The following TM2D3 variants were observed in gnomAD, a reference collection of about 807,000 sequenced individuals.
TM2D3 encodes the protein TM2 domain-containing protein 3.
A neutral mutation model predicts 27.3 loss-of-function variants in TM2D3; 33 were observed. The observed-to-expected ratio is 1.21, with a 90% confidence interval of 0.92 to 1.61. The LOEUF (loss-of-function observed/expected upper bound fraction) is 1.61, where lower values mean the gene tolerates loss of function less well. Ranked by LOEUF, TM2D3 falls within the 40% of genes most tolerant of loss-of-function variation. The pLI is 0.00. For synonymous variants in TM2D3, 138 were observed against 122.2 expected (o/e 1.13, Z -0.85); for missense variants, 364 against 320.8 (o/e 1.13, Z -1.03).
intron 4 of TM2D3, 157 bp from the exon 5 acceptor site, chr15:101,645,319 C>G: frequency 4.8e-6 from 3 of 625,254 alleles, no homozygotes; most frequent in Non-Finnish European, 8.3e-6. Context: ...TACCATCTAT[C>G]TACATAGATG....
downstream of TM2D3, among the ~76,000 whole-genome samples, chr15:101,638,110 A>G (rs1474466695): frequency 1.3e-5 from 2 of 151,824 alleles, no homozygotes; most frequent in African/African-American, 2.4e-5. Context: ...CAGGCTTTGG[A>G]TCCTTTATCT....
At chr15:101,633,463 T>C (rs1896490882) in exon 5 of TM2D3, 4 of 450,076 alleles carry the variant, frequency 8.9e-6, no homozygotes, top group Non-Finnish European at 1.2e-5. Context: ...AAGAATTCAA[T>C]TCCTTGCAGT....
chr15:101,637,059 A>C, downstream of TM2D3: 1 of 209,248 alleles, frequency 4.8e-6, no homozygotes. Context: ...TTAGGGAGAC[A>C]TAAGACACCA....
chr15:101,646,573 G>A (rs760040443), intron 4 of TM2D3, 152 bp downstream of exon 4: 209 of 745,470 alleles, frequency 2.8e-4, no homozygotes, highest in Non-Finnish European at 4.2e-4. Flanking sequence ...ACTTTAGTAC[G>A]TTGAGTTTAT....
chr15:101,651,776 A>C lies in TM2D3; in HGVS notation c.92-3T>G. On this transcript the variant is annotated splice_region_variant and splice_polypyrimidine_tract_variant and intron_variant, in intron 1 of 5. Transcript: ENST00000333202. ...CTGAGCCAGCGCCTGCGATTGCTCTAAATTTAAGGATCGTACAATTAGAGA... is the reference window on the plus strand; with the variant it reads ...CTGAGCCAGCGCCTGCGATTGCTCTCAATTTAAGGATCGTACAATTAGAGA... 1 of 1,613,958 alleles carries C rather than the reference A, an allele frequency of 6.2e-7. No homozygotes were observed. The highest frequency in any genetic ancestry group is 8.5e-7 in the Non-Finnish European group (1 of 1,179,852).
intron 1 of TM2D3, 36 bp downstream of exon 1, chr15:101,652,235 A>G (rs761866444): frequency 6.3e-7 from 1 of 1,576,700 alleles, no homozygotes; most frequent in Non-Finnish European, 8.7e-7. Flanking sequence ...GCTGCCACTC[A>G]GCCCCACCCG....
intron 4 of TM2D3, chr15:101,636,613 G>C: frequency 5.7e-6 from 1 of 176,188 alleles, no homozygotes; most frequent in Non-Finnish European, 1.2e-5. Context: ...TTTTGCTAGG[G>C]TTTGACCTAA....
Position 101,643,544 on chromosome 15 carries a change from G to A in TM2D3, c.579-900C>T, listed in dbSNP as rs538291707. Among the ~76,000 whole-genome samples the A allele has an allele frequency of 3.1e-5, 4 of 130,838 alleles. No individual in the cohort carries two copies. In the South Asian group the frequency reaches 1.1e-3, roughly 35 times the overall value. 85.8% of individuals were successfully genotyped at this position (130,838 alleles called of 152,430 possible). A position where few individuals can be genotyped will look rare whatever the true frequency, so the allele number is the denominator to read the frequency against. ...GTGAACCTGGGAGGTGGAGCTTGCA[G>A]TAAGCCGAGATTGAGCCACTGCACT... On this transcript the variant is annotated intron_variant, in intron 5 of 5. Transcript: ENST00000333202.
At chr15:101,649,373 G>A (rs1896908136) in intron 3 of TM2D3, among the ~76,000 whole-genome samples, 2 of 151,672 alleles carry the variant, frequency 1.3e-5, no homozygotes, top group South Asian at 4.2e-4. Context: ...TTATTTTATG[G>A]CTTCTAAACT....
chr15:101,645,251 T>C, intron 4 of TM2D3, 89 bp from the exon 5 acceptor site: 1 of 1,131,786 alleles, frequency 8.8e-7, no homozygotes, highest in Non-Finnish European at 1.3e-6. Context: ...AAATTTAAAA[T>C]GTGAAAAGTC....
chr15:101,638,739 G>A (rs766239196), downstream of TM2D3, among the ~76,000 whole-genome samples: 2 of 151,976 alleles, frequency 1.3e-5, no homozygotes, highest in East Asian at 1.9e-4. Flanking sequence ...TTGCTTGTTC[G>A]CTGTGGAGTT....
chr15:101,643,807 T>A (rs1290473865), intron 5 of TM2D3, among the ~76,000 whole-genome samples: 1 of 152,072 alleles, frequency 6.6e-6, no homozygotes, highest in Non-Finnish European at 1.5e-5. Flanking sequence ...TTATTTATTT[T>A]TTTAAAAAGC....
intron 3 of TM2D3, 40 bp from the exon 4 acceptor site, chr15:101,646,939 T>C: frequency 6.2e-7 from 1 of 1,610,632 alleles, no homozygotes; most frequent in Non-Finnish European, 8.5e-7. Context: ...ATCACAATGG[T>C]GTAGTCTGTT....
chr15:101,645,916 T>G (rs1197683706), intron 4 of TM2D3: 1 of 151,954 alleles, frequency 6.6e-6, no homozygotes, highest in East Asian at 1.9e-4. Context: ...AATTTAAGAA[T>G]AACCACTCTT....
At chr15:101,647,472 C>T (rs1258588247) in intron 3 of TM2D3, among the ~76,000 whole-genome samples, 1 of 152,204 alleles carries the variant, frequency 6.6e-6, no homozygotes, top group African/African-American at 2.4e-5. Flanking sequence ...TACAGCTGCT[C>T]CTACCACCAG....
At chr15:101,646,671 A>G (rs773693010) in intron 4 of TM2D3, 54 bp downstream of exon 4, 1 of 1,608,084 alleles carries the variant, frequency 6.2e-7, no homozygotes, top group South Asian at 1.1e-5. Context: ...AAGTCCCTTC[A>G]ATAAACTTGG....
intron 5 of TM2D3, among the ~76,000 whole-genome samples, chr15:101,643,370 A>G (rs544399772): frequency 6.6e-6 from 1 of 152,246 alleles, no homozygotes; most frequent in Admixed American, 6.5e-5. Context: ...TGGGAGGCTG[A>G]GGCAGGCGGA....
In TM2D3 at chr15:101,642,397, A is replaced by C. The variant is rs1896690391; in HGVS notation, c.*82T>G. On this transcript the variant is annotated 3_prime_UTR_variant, in exon 6 of 6. Coordinates refer to ENST00000333202, the MANE Select transcript of TM2D3 (RefSeq NM_078474.3). ...GATGCTGTACATTAAAAACATAGAA[A>C]TATATCACTCACACCACATCAACTC... 1.4e-6 allele frequency: 2 copies of C among 1,425,358 alleles called. No individual in the cohort carries two copies. The highest frequency in any genetic ancestry group is 9.2e-7 in the Non-Finnish European group (1 of 1,083,174). The allele number at this position is 1,425,358 out of a possible 1,614,324, so 88.3% of individuals were successfully genotyped here.
chr15:101,642,973 G>A (rs1187250659), intron 5 of TM2D3, among the ~76,000 whole-genome samples: 1 of 152,096 alleles, frequency 6.6e-6, no homozygotes, highest in Admixed American at 6.5e-5. Flanking sequence ...CGGGGTCAGG[G>A]CTGGAGTCAG....
Sources: gnomAD v4.1 joint callset for allele counts (sites outside exome capture counted in the v4.1 genomes callset) on GRCh38, gnomAD v4.1.1 for gene constraint, MANE v1.5 for transcripts, NCBI Gene and HGNC (gene_info 2026-07-23, HGNC 2026-07-21) for gene names.